PTPRD: variants seen among roughly 807,000 people sequenced by gnomAD.
PTPRD encodes the protein receptor-type tyrosine-protein phosphatase delta.
A neutral mutation model predicts 214.5 loss-of-function variants in PTPRD; 34 were observed. The ratio of observed to expected loss-of-function variants is 0.16; its 90% CI spans 0.12 to 0.21. The LOEUF is 0.21. PTPRD is among the 10% of genes least tolerant of loss of function. PTPRD has a pLI of 1.00. For synonymous variants in PTPRD, 1,128 were observed against 845.7 expected (o/e 1.33, Z -5.79); for missense variants, 2,545 against 2,398.7 (o/e 1.06, Z -1.27).
intron 10 of PTPRD, among the ~76,000 whole-genome samples, chr9:9,067,268 T>G (rs905125698): frequency 2.0e-5 from 3 of 152,190 alleles, no homozygotes; most frequent in Non-Finnish European, 4.4e-5. Context: ...AAAAAACTTG[T>G]CTTAATACTG....
At chr9:10,561,213 T>A (rs2063878991) in intron 2 of PTPRD, among the ~76,000 whole-genome samples, 1 of 152,160 alleles carries the variant, frequency 6.6e-6, no homozygotes, top group Non-Finnish European at 1.5e-5. Flanking sequence ...TTAGAGCAGG[T>A]TATTGACTTT....
At chr9:9,372,042 C>G (rs1415056409) in intron 9 of PTPRD, among the ~76,000 whole-genome samples, 1 of 152,124 alleles carries the variant, frequency 6.6e-6, no homozygotes, top group Non-Finnish European at 1.5e-5. Flanking sequence ...ACTATGTGAT[C>G]AATTTTGGAA....
intron 11 of PTPRD, among the ~76,000 whole-genome samples, chr9:8,838,785 G>T (rs2097495263): frequency 3.3e-5 from 5 of 151,728 alleles, no homozygotes; most frequent in Non-Finnish European, 5.9e-5. Flanking sequence ...ATAAGTTTGA[G>T]GATCATGTGA....
chr9:10,574,885 C>A (rs966153605), intron 2 of PTPRD, among the ~76,000 whole-genome samples: 9 of 149,306 alleles, frequency 6.0e-5, no homozygotes, highest in African/African-American at 2.2e-4. Flanking sequence ...AAAGAAATTG[C>A]CTTTTCCCAT....
intron 11 of PTPRD, among the ~76,000 whole-genome samples, chr9:8,814,139 T>C (rs886878036): frequency 6.7e-6 from 1 of 148,960 alleles, no homozygotes; most frequent in East Asian, 2.0e-4. Flanking sequence ...ATTATACACA[T>C]AATAAGTGGC....
At chr9:8,363,299 C>A (rs2078966004) in intron 39 of PTPRD, among the ~76,000 whole-genome samples, 1 of 152,140 alleles carries the variant, frequency 6.6e-6, no homozygotes. Flanking sequence ...ATTTAGACAA[C>A]ACATAGGTCA....
intron 3 of PTPRD, among the ~76,000 whole-genome samples, chr9:10,165,576 C>A (rs911513330): frequency 6.0e-5 from 9 of 151,246 alleles, no homozygotes; most frequent in African/African-American, 2.2e-4. Flanking sequence ...TGTTTAGTTG[C>A]CAAATAGTAA....
intron 8 of PTPRD, among the ~76,000 whole-genome samples, chr9:9,570,213 A>G (rs1244060680): frequency 6.6e-6 from 1 of 151,536 alleles, no homozygotes; most frequent in African/African-American, 2.4e-5. Flanking sequence ...CATCATTATT[A>G]TTATTATTTG....
intron 5 of PTPRD, among the ~76,000 whole-genome samples, chr9:9,832,087 A>G (rs557208705): frequency 1.2e-4 from 18 of 152,162 alleles, no homozygotes; most frequent in African/African-American, 3.6e-4. Flanking sequence ...TCTCCAGTAT[A>G]TAAGGGTAAT....
intron 33 of PTPRD, chr9:8,452,020 A>G (rs903997147): frequency 9.7e-5 from 29 of 299,112 alleles, no homozygotes; most frequent in African/African-American, 6.3e-4. Flanking sequence ...GTGCAAGGAA[A>G]GTTAGGAATT....
At chr9:8,510,396 C>T (rs1231409833) in intron 21 of PTPRD, among the ~76,000 whole-genome samples, 5 of 152,164 alleles carry the variant, frequency 3.3e-5, no homozygotes, top group Admixed American at 3.3e-4. Flanking sequence ...CCATATGGGG[C>T]CTGGGGCCCG....
rs191112238 is a variant in PTPRD, at chr9:8,586,607, T to C, written c.352+46710A>G. Among the ~76,000 whole-genome samples, 272 of 152,272 alleles carry C rather than the reference T, an allele frequency of 1.8e-3. 2 individuals are homozygous for C. The highest frequency in any genetic ancestry group is 6.2e-3 in the African/African-American group (259 of 41,536). On this transcript the variant is annotated intron_variant, in intron 14 of 45. Coordinates refer to ENST00000381196, the MANE Select transcript of PTPRD (RefSeq NM_002839.4). ...GGCCCCCACAACACAGTATGACTTT[T>C]CATATGGGTAAATCAAGATGAGAAT...
chr9:10,149,528 C>T lies in PTPRD; in HGVS notation c.-544-115738G>A, dbSNP rs562757165. On this transcript the variant is annotated intron_variant, in intron 3 of 45. Coordinates refer to ENST00000381196, the MANE Select transcript of PTPRD (RefSeq NM_002839.4). ...AAGGCACTGCCCTCCAGCGTGCCTC[C>T]GTCCTCTACCTGGTGTACACCACTT... Among the ~76,000 whole-genome samples, 7 of 152,222 alleles carry T rather than the reference C, an allele frequency of 4.6e-5. No homozygotes were observed. In the East Asian group the frequency reaches 5.8e-4, roughly 13 times the overall value.
intron 3 of PTPRD, among the ~76,000 whole-genome samples, chr9:10,110,348 T>C (rs2098679683): frequency 6.6e-6 from 1 of 152,158 alleles, no homozygotes; most frequent in Admixed American, 6.5e-5. Context: ...AACTGTGTCT[T>C]AGGTTCGGTC....
intron 11 of PTPRD, among the ~76,000 whole-genome samples, chr9:8,770,741 C>CA (rs1400544790): frequency 3.9e-5 from 6 of 152,054 alleles, no homozygotes; most frequent in African/African-American, 1.4e-4. Flanking sequence ...AAGTCTTTTC[C>CA]AAAAAATGTT....
intron 7 of PTPRD, among the ~76,000 whole-genome samples, chr9:9,651,433 C>A (rs2154372927): frequency 6.6e-6 from 1 of 152,156 alleles, no homozygotes; most frequent in Non-Finnish European, 1.5e-5. Context: ...AGTGTTGTTC[C>A]CCTCTATGTG....
chr9:10,553,705 G>T (rs541842296), intron 2 of PTPRD, among the ~76,000 whole-genome samples: 1 of 152,064 alleles, frequency 6.6e-6, no homozygotes, highest in Non-Finnish European at 1.5e-5. Context: ...GAATATATAT[G>T]TATACACACA....
chr9:10,217,307 C>A (rs1281307749), intron 3 of PTPRD, among the ~76,000 whole-genome samples: 3 of 151,724 alleles, frequency 2.0e-5, no homozygotes, highest in Non-Finnish European at 4.4e-5. Context: ...CAAACACATA[C>A]AAACACACAC....
intron 8 of PTPRD, among the ~76,000 whole-genome samples, chr9:9,534,856 G>C (rs1427786886): frequency 1.3e-5 from 2 of 151,870 alleles, no homozygotes; most frequent in Non-Finnish European, 2.9e-5. Context: ...TACAACTCTA[G>C]CTTCCATTTT....
Sources: allele counts gnomAD v4.1 joint callset (sites outside exome capture counted in the v4.1 genomes callset), GRCh38; gene constraint gnomAD v4.1.1; transcripts MANE v1.5; gene names NCBI Gene and HGNC (gene_info 2026-07-23, HGNC 2026-07-21).